The following SERPINB8 variants were observed in gnomAD, a reference collection of about 807,000 sequenced individuals.
SERPINB8 encodes the protein serpin family B member 8.
In SERPINB8, 25 loss-of-function variants were observed where a neutral mutation model predicts 35.3. The ratio of observed to expected loss-of-function variants is 0.71; its 90% CI spans 0.52 to 0.99. The LOEUF is 0.99. Among genes scored for constraint, SERPINB8 ranks in the 50% least tolerant of loss-of-function variants. SERPINB8 has a pLI of 0.00. For missense variants in SERPINB8, 484 were observed against 446.5 expected (o/e 1.08, Z -0.76); for synonymous variants, 186 against 160.8 (o/e 1.16, Z -1.19).
intron 5 of SERPINB8, among the ~76,000 whole-genome samples, chr18:63,984,155 G>C (rs1390348368): frequency 6.6e-6 from 1 of 152,172 alleles, no homozygotes; most frequent in Non-Finnish European, 1.5e-5. Context: ...CTTCTTTTCT[G>C]AATGAATTTA....
intron 7 of SERPINB8, among the ~76,000 whole-genome samples, chr18:64,013,371 C>T (rs1455007797): frequency 6.6e-6 from 1 of 152,132 alleles, no homozygotes; most frequent in African/African-American, 2.4e-5. Context: ...GAATACCCTC[C>T]TATCTCCAAA....
At chr18:64,015,590 C>G (rs2050946197) in intron 7 of SERPINB8, among the ~76,000 whole-genome samples, 1 of 152,156 alleles carries the variant, frequency 6.6e-6, no homozygotes, top group Non-Finnish European at 1.5e-5. Flanking sequence ...TAACTTCACT[C>G]TGGTGTGCTT....
chr18:63,977,093 C>T (rs1285951225), intron 1 of SERPINB8, among the ~76,000 whole-genome samples: 2 of 152,006 alleles, frequency 1.3e-5, no homozygotes, highest in Non-Finnish European at 2.9e-5. Flanking sequence ...ATATTGGAGA[C>T]ATTAAACTGA....
chr18:64,009,774 C>G (rs1015777518), downstream of SERPINB8, among the ~76,000 whole-genome samples: 1 of 152,066 alleles, frequency 6.6e-6, no homozygotes, highest in Non-Finnish European at 1.5e-5. Context: ...CTTAGCATTC[C>G]GATAATGGGA....
intron 1 of SERPINB8, among the ~76,000 whole-genome samples, chr18:63,998,085 G>T (rs567511420): frequency 1.4e-4 from 21 of 152,258 alleles, no homozygotes; most frequent in African/African-American, 4.3e-4. Context: ...TAATCCACCC[G>T]CCAGACCCTG....
chr18:63,971,694 C>T lies in SERPINB8; in HGVS notation c.-11+1524C>T, dbSNP rs141277270. On this transcript the variant is annotated intron_variant, in intron 1 of 6. Coordinates refer to ENST00000397985, the MANE Select transcript of SERPINB8 (RefSeq NM_002640.4). ...GCCAGCTCCCCAGCCTCTTTTCATA[C>T]CAAATACTGAGCCGGGTTATCTTTC... Among the ~76,000 whole-genome samples the T allele has an allele frequency of 2.4e-3, 369 of 152,284 alleles. 1 individual carries two copies. The highest frequency in any genetic ancestry group is 8.4e-3 in the African/African-American group (348 of 41,560).
At chr18:64,019,436 C>G (rs2050965897) in exon 8 of SERPINB8, 2 of 152,300 alleles carry the variant, frequency 1.3e-5, no homozygotes, top group Non-Finnish European at 2.9e-5. Flanking sequence ...TTCATTCTTG[C>G]TCCCACTTCT....
intron 1 of SERPINB8, among the ~76,000 whole-genome samples, chr18:63,997,245 C>T (rs213068): frequency 0.99 from 151,155 of 152,350 alleles, 74,985 homozygotes; most frequent in Middle Eastern, 1. Flanking sequence ...ACGGCTGTGA[C>T]ATAGTTTTAT....
chr18:63,978,343 C>T lies in SERPINB8; in HGVS notation c.35C>T (p.Ala12Val), dbSNP rs2050615457. ...DDLCEANGTF[A>V]ISLFKILGEE... ...CTCTGTGAAGCAAATGGCACTTTTG[C>T]CATCAGCTTATTTAAAATATTGGGG... Residue 12 changes from alanine (A) to valine (V), a missense_variant, in exon 2 of 7, where the codon GCC becomes GTC. Ala to Val is a moderately conservative substitution (Grantham distance 64). Coordinates refer to ENST00000397985, the MANE Select transcript of SERPINB8 (RefSeq NM_002640.4). The T allele has an allele frequency of 1.2e-6, 2 of 1,614,048 alleles. No individual in the cohort carries two copies. The highest frequency in any genetic ancestry group is 1.3e-5 in the African/African-American group (1 of 74,908).
At chr18:63,979,471 G>A (rs1038708761) in intron 2 of SERPINB8, among the ~76,000 whole-genome samples, 39 of 152,080 alleles carry the variant, frequency 2.6e-4, no homozygotes, top group Admixed American at 2.0e-4. Flanking sequence ...GGGAGGTAGG[G>A]GTCGGTGGGT....
At chr18:64,010,970 C>T (rs1455125541) in intron 7 of SERPINB8, among the ~76,000 whole-genome samples, 1 of 151,132 alleles carries the variant, frequency 6.6e-6, no homozygotes, top group Non-Finnish European at 1.5e-5. Context: ...TGTATATATA[C>T]ACACACACAT....
At chr18:64,006,703 T>C (rs145749184), downstream of SERPINB8, among the ~76,000 whole-genome samples, 1 of 152,354 alleles carries the variant, frequency 6.6e-6, no homozygotes, top group Admixed American at 6.5e-5. Flanking sequence ...GATCTGGTGA[T>C]AGTTACATGG....
intron 3 of SERPINB8, among the ~76,000 whole-genome samples, chr18:63,980,690 A>G (rs879637229): frequency 7.2e-5 from 11 of 152,182 alleles, no homozygotes; most frequent in Non-Finnish European, 1.5e-4. Flanking sequence ...TGATGAATCC[A>G]TTTCATTTTT....
At position 63,975,580 on chromosome 18, in the gene SERPINB8, C is replaced by A. The variant is rs542375357; in HGVS notation, c.-10-2719C>A. On this transcript the variant is annotated intron_variant, in intron 1 of 6. Transcript: ENST00000397985. Reference sequence around the variant, plus strand: ...CATTTATTTTACTTAGTTTTCTGAACCCTAACCATAACCCTAACCCTACTT... The same window carrying A: ...CATTTATTTTACTTAGTTTTCTGAAACCTAACCATAACCCTAACCCTACTT... 7.9e-5 allele frequency among the ~76,000 whole-genome samples: 12 copies of A among 152,260 alleles called. No homozygotes were observed. The East Asian group carries it at 1.9e-3, about 25-fold the overall frequency.
At position 63,987,214 on chromosome 18, in the gene SERPINB8, T is replaced by C. The variant is rs776674648; in HGVS notation, c.1061T>C (p.Leu354Pro). The stretch of plus-strand genomic sequence containing the variant: ...AGATTCTGTGCAGACCACCCTTTTC[T>C]TTTCTTCATCAGGCACCACAAAACC... Reference protein sequence around the residue: ...EPRFCADHPFLFFIRHHKTNC... With the variant: ...EPRFCADHPFPFFIRHHKTNC... The change falls in exon 7 of 7, where the codon CTT (leucine) becomes CCT (proline). Residue 354 changes from leucine to proline, a missense_variant. Coordinates refer to ENST00000397985, the MANE Select transcript of SERPINB8 (RefSeq NM_002640.4). 1 of 1,614,140 alleles carries C rather than the reference T, an allele frequency of 6.2e-7. No homozygotes were observed. Among genetic ancestry groups the C allele is most frequent in the Non-Finnish European group, 8.5e-7 (1 of 1,180,006 alleles).
intron 1 of SERPINB8, among the ~76,000 whole-genome samples, chr18:64,002,472 C>T (rs1267741558): frequency 6.6e-6 from 1 of 152,156 alleles, no homozygotes; most frequent in African/African-American, 2.4e-5. Context: ...CTCCAAAATC[C>T]TCTCTATGTA....
rs188861460 is a variant in SERPINB8 at position 63,973,135 on chromosome 18, C to T, written c.-11+2965C>T. 3.4e-3 allele frequency among the ~76,000 whole-genome samples: 514 copies of T among 152,326 alleles called. 4 individuals are homozygous for T. Among genetic ancestry groups the T allele is most frequent in the African/African-American group, 0.012 (492 of 41,570 alleles). On this transcript the variant is annotated intron_variant, in intron 1 of 6. Coordinates refer to ENST00000397985, the MANE Select transcript of SERPINB8 (RefSeq NM_002640.4). ...GTTTAAAAGTGTTCCTTTTTCTCCA[C>T]ATCCTCTCCAGCACCTGTTGTTTCC...
In SERPINB8 at chr18:63,983,626, A is replaced by G. The variant is rs1269726419; in HGVS notation, c.472A>G (p.Lys158Glu). ...LDAGTVDPLT[K>E]LVLVNAIYFK... ...TGCTGGGACAGTCGATCCCCTGACA[A>G]AGCTGGTCCTTGTGAATGCCATTTA... is the stretch of plus-strand genomic sequence containing the variant. Residue 158 changes from lysine (K) to glutamate (E), a missense_variant, in exon 5 of 7, where the codon AAG becomes GAG. Transcript: ENST00000397985. 1 of 1,613,942 alleles carries G rather than the reference A, an allele frequency of 6.2e-7. No homozygotes were observed. Among genetic ancestry groups the G allele is most frequent in the Admixed American group, 1.7e-5 (1 of 60,030 alleles).
intron 6 of SERPINB8, chr18:63,986,620 A>G (rs1461796510): frequency 2.0e-5 from 26 of 1,324,330 alleles, no homozygotes; most frequent in Admixed American, 3.6e-5. Flanking sequence ...AGTTAGGTAC[A>G]AATTGTTTTT....
Sources: gnomAD v4.1 joint callset for allele counts (sites outside exome capture counted in the v4.1 genomes callset) on GRCh38, gnomAD v4.1.1 for gene constraint, MANE v1.5 for transcripts, NCBI Gene and HGNC (gene_info 2026-07-23, HGNC 2026-07-21) for gene names.